Variants in OR52N4 observed in about 807,000 individuals in gnomAD.
The protein encoded by OR52N4 is olfactory receptor 52N4.
OR52N4 carries 15 observed loss-of-function variants against 15.0 expected under a neutral mutation model. That is an observed-to-expected ratio of 1.00 (90% CI 0.67 to 1.54). OR52N4 has a LOEUF of 1.54. OR52N4 is among the 40% of genes most tolerant of loss of function. OR52N4 has a pLI of 0.00. For missense variants in OR52N4, 421 were observed against 394.0 expected (o/e 1.07, Z -0.58); for synonymous variants, 143 against 143.7 (o/e 1.00, Z 0.03).
chr11:5,730,604 A>G, the OR52N4 span, among the ~76,000 whole-genome samples: 1 of 151,568 alleles, frequency 6.6e-6, no homozygotes, highest in Non-Finnish European at 1.5e-5. Flanking sequence ...CTTTTCTTTC[A>G]TGTCTCTAAT....
At chr11:5,736,459 T>C in the OR52N4 span, 5 of 1,490,372 alleles carry the variant, frequency 3.4e-6, no homozygotes, top group Admixed American at 8.5e-5. Context: ...TCTGTGGTGG[T>C]TCCAACCTGT....
the OR52N4 span, among the ~76,000 whole-genome samples, chr11:5,733,976 G>A: frequency 6.6e-6 from 1 of 152,094 alleles, no homozygotes; most frequent in East Asian, 1.9e-4. Flanking sequence ...ATTCTAGTGG[G>A]ATTTAACATC....
chr11:5,740,232 A>AATC, the OR52N4 span, among the ~76,000 whole-genome samples: 1 of 126,710 alleles, frequency 7.9e-6, no homozygotes, highest in African/African-American at 2.8e-5. Flanking sequence ...AAATTTTACC[A>AATC]ATCGTAATGT....
At chr11:5,744,740 C>T in the OR52N4 span, among the ~76,000 whole-genome samples, 1 of 152,172 alleles carries the variant, frequency 6.6e-6, no homozygotes, top group Middle Eastern at 3.4e-3. Flanking sequence ...TGGCGAAACC[C>T]TGTCTCTACT....
At chr11:5,741,369 G>A in the OR52N4 span, among the ~76,000 whole-genome samples, 1 of 152,222 alleles carries the variant, frequency 6.6e-6, no homozygotes, top group Admixed American at 6.5e-5. Flanking sequence ...CTGGAGATGG[G>A]TCAGACTCAC....
chr11:5,751,376 T>G (rs1854188074), upstream of OR52N4, among the ~76,000 whole-genome samples: 1 of 152,010 alleles, frequency 6.6e-6, no homozygotes, highest in Non-Finnish European at 1.5e-5. Context: ...CCACTTTGTA[T>G]TCTCTGTTTC....
At chr11:5,729,782 C>T in the OR52N4 span, among the ~76,000 whole-genome samples, 31 of 152,140 alleles carry the variant, frequency 2.0e-4, no homozygotes, top group Non-Finnish European at 3.8e-4. Context: ...ATTTCAATTC[C>T]ATAAAAAATG....
chr11:5,741,755 G>A, the OR52N4 span, among the ~76,000 whole-genome samples: 1 of 152,100 alleles, frequency 6.6e-6, no homozygotes, highest in Non-Finnish European at 1.5e-5. Flanking sequence ...AGCAAGTTGA[G>A]GCAAATAACT....
At chr11:5,734,236 G>GT in the OR52N4 span, 1 of 455,330 alleles carries the variant, frequency 2.2e-6, no homozygotes, top group Non-Finnish European at 4.4e-6. Context: ...CATAAGCAAG[G>GT]TAAGTGATAA....
At chr11:5,738,437 C>T in the OR52N4 span, 2 of 148,764 alleles carry the variant, frequency 1.3e-5, no homozygotes, top group African/African-American at 5.0e-5. Context: ...CTCTGAGTGC[C>T]CAGCATCCAT....
At chr11:5,746,680 C>T in the OR52N4 span, among the ~76,000 whole-genome samples, 4 of 152,032 alleles carry the variant, frequency 2.6e-5, no homozygotes, top group East Asian at 7.7e-4. Context: ...ATGGAGAAAA[C>T]TTATATACTG....
chr11:5,744,667 C>T, the OR52N4 span, among the ~76,000 whole-genome samples: 1 of 149,424 alleles, frequency 6.7e-6, no homozygotes, highest in East Asian at 2.0e-4. Flanking sequence ...AATCCCAGCA[C>T]TCTGGGAGGC....
the OR52N4 span, among the ~76,000 whole-genome samples, chr11:5,746,321 CT>C: frequency 1.3e-5 from 2 of 152,054 alleles, no homozygotes; most frequent in Non-Finnish European, 2.9e-5. Context: ...AACTAAAAAG[CT>C]TCTGCAAAGC....
At chr11:5,744,713 G>C in the OR52N4 span, among the ~76,000 whole-genome samples, 1 of 147,944 alleles carries the variant, frequency 6.8e-6, no homozygotes, top group African/African-American at 2.5e-5. Flanking sequence ...AGGAGTTCGA[G>C]ACCAGCCTGG....
At position 5,754,988 on chromosome 11, in the gene OR52N4, C is replaced by T. The variant is rs1854269460; in HGVS notation, c.248C>T (p.Ala83Val). 6.2e-7 allele frequency: 1 copy of T among 1,613,774 alleles called. No homozygotes were observed. Among genetic ancestry groups the T allele is most frequent in the Non-Finnish European group, 8.5e-7 (1 of 1,179,918 alleles). ...LVMCSSTIPKALCIFWFHLKD... is the reference protein window; with the variant it reads ...LVMCSSTIPKVLCIFWFHLKD... Reference sequence around the variant, plus strand: ...ATGTGCTCTAGTACAATCCCTAAAGCCCTCTGCATCTTCTGGTTTCATCTC... The same window carrying T: ...ATGTGCTCTAGTACAATCCCTAAAGTCCTCTGCATCTTCTGGTTTCATCTC... Residue 83 changes from alanine to valine, a missense_variant, in exon 2 of 2, where the codon GCC becomes GTC. Ala to Val is a moderately conservative substitution (Grantham distance 64). Transcript: ENST00000641350.
chr11:5,737,168 A>G, the OR52N4 span: 1 of 1,613,964 alleles, frequency 6.2e-7, no homozygotes, highest in Non-Finnish European at 8.5e-7. Flanking sequence ...TGGAATGGGG[A>G]GTGATCTAAG....
the OR52N4 span, among the ~76,000 whole-genome samples, chr11:5,748,547 C>T: frequency 6.6e-6 from 1 of 151,634 alleles, no homozygotes; most frequent in African/African-American, 2.4e-5. Flanking sequence ...ATTCATTTCT[C>T]TCACTTGAAA....
At chr11:5,730,470 C>T in the OR52N4 span, among the ~76,000 whole-genome samples, 3 of 151,882 alleles carry the variant, frequency 2.0e-5, no homozygotes, top group South Asian at 2.1e-4. Context: ...GGATTACAGG[C>T]GTGAGCCACC....
At chr11:5,729,113 G>GAT in the OR52N4 span, among the ~76,000 whole-genome samples, 65 of 50,290 alleles carry the variant, frequency 1.3e-3, 3 homozygotes, top group African/African-American at 5.6e-3. Flanking sequence ...CTTAAATTGA[G>GAT]ATTTTTTTTT....
Sources: allele counts gnomAD v4.1 joint callset (sites outside exome capture counted in the v4.1 genomes callset), GRCh38; gene constraint gnomAD v4.1.1; transcripts MANE v1.5; gene names NCBI Gene and HGNC (gene_info 2026-07-23, HGNC 2026-07-21).